The following FHIT variants were observed in gnomAD, a reference collection of about 807,000 sequenced individuals.
The protein encoded by FHIT is fragile histidine triad diadenosine triphosphatase.
FHIT carries 19 observed loss-of-function variants against 17.9 expected under a neutral mutation model. That is an observed-to-expected ratio of 1.06 (90% CI 0.74 to 1.56). FHIT has a LOEUF of 1.56. Among genes scored for constraint, FHIT ranks in the 40% most tolerant of loss-of-function variants. The pLI, the probability that FHIT is intolerant of heterozygous loss-of-function variation, is 0.00. For synonymous variants in FHIT, 81 were observed against 69.7 expected, an observed-to-expected ratio of 1.16 and a Z score of -0.81; for missense variants, 248 against 189.2, an observed-to-expected ratio of 1.31 and a Z score of -1.82.
chr3:60,214,228 T>C (rs905848745), intron 5 of FHIT, among the ~76,000 whole-genome samples: 2 of 152,132 alleles, frequency 1.3e-5, no homozygotes, highest in African/African-American at 2.4e-5. Context: ...AAGCAACAAA[T>C]TGTATTAGTC....
chr3:60,443,346 G>A (rs986401281), intron 5 of FHIT, among the ~76,000 whole-genome samples: 1 of 152,224 alleles, frequency 6.6e-6, no homozygotes, highest in East Asian at 1.9e-4. Context: ...TCTCTGTCTT[G>A]TGCCAGTTTT....
rs1401129617 is a variant in FHIT, at chr3:60,441,754, A to AT, written c.103+95105_103+95106insA. Among the ~76,000 whole-genome samples, 142 of 46,350 alleles carry AT rather than the reference A, an allele frequency of 3.1e-3. 2 individuals carry two copies. The highest frequency in any genetic ancestry group is 8.1e-3 in the African/African-American group (104 of 12,864). The allele number at this position is 46,350 out of a possible 152,430, so 30.4% of individuals were successfully genotyped here. ...TTTATATATATATATTTATATATATAAAAATATATATATATTTATATGTAT... is the reference window on the plus strand; with the variant it reads ...TTTATATATATATATTTATATATATATAAAATATATATATATTTATATGTAT... On this transcript the variant is annotated intron_variant, in intron 5 of 9. Coordinates refer to ENST00000492590, the MANE Select transcript of FHIT (RefSeq NM_002012.4).
At chr3:60,682,495 C>G (rs1222537912) in intron 4 of FHIT, among the ~76,000 whole-genome samples, 1 of 152,216 alleles carries the variant, frequency 6.6e-6, no homozygotes, top group African/African-American at 2.4e-5. Flanking sequence ...TACACCAACT[C>G]TTCATGTTCT....
chr3:60,447,343 A>G lies in FHIT; in HGVS notation c.103+89517T>C, dbSNP rs1346329836. Among the ~76,000 whole-genome samples, 8 of 152,276 alleles carry G rather than the reference A, an allele frequency of 5.3e-5. 1 individual carries two copies. The South Asian group carries it at 1.4e-3, about 28-fold the overall frequency. ...TAATATAATTACTTCCCCAAGAAAT[A>G]ATGTTTTTATTCTGAATATGAGGTT... On this transcript the variant is annotated intron_variant, in intron 5 of 9. Transcript: ENST00000492590.
intron 8 of FHIT, among the ~76,000 whole-genome samples, chr3:59,847,128 T>G (rs930367015): frequency 6.6e-6 from 1 of 152,162 alleles, no homozygotes; most frequent in Non-Finnish European, 1.5e-5. Flanking sequence ...TTCAACAAAT[T>G]TGGGAAGTTT....
intron 8 of FHIT, among the ~76,000 whole-genome samples, chr3:59,911,910 T>C (rs1418036071): frequency 5.3e-5 from 8 of 152,122 alleles, no homozygotes; most frequent in Admixed American, 1.3e-4. Flanking sequence ...ATTTTTTGGG[T>C]GCCGGGAGGC....
chr3:60,425,337 C>T (rs576706842), intron 5 of FHIT, among the ~76,000 whole-genome samples: 1 of 152,218 alleles, frequency 6.6e-6, no homozygotes, highest in African/African-American at 2.4e-5. Context: ...GGAGATAAAG[C>T]CAAGACCACT....
At chr3:60,474,508 T>A (rs1232915738) in intron 5 of FHIT, among the ~76,000 whole-genome samples, 1 of 152,232 alleles carries the variant, frequency 6.6e-6, no homozygotes, top group African/African-American at 2.4e-5. Context: ...TCATTTTTTA[T>A]TGCAGTTTTT....
intron 1 of FHIT, among the ~76,000 whole-genome samples, chr3:61,209,995 G>A (rs1196649908): frequency 6.6e-6 from 1 of 152,142 alleles, no homozygotes; most frequent in Non-Finnish European, 1.5e-5. Context: ...TTTTTGGTGT[G>A]GATGTCCTTT....
chr3:61,135,254 T>G (rs1222711769), intron 2 of FHIT, among the ~76,000 whole-genome samples: 1 of 152,206 alleles, frequency 6.6e-6, no homozygotes, highest in Non-Finnish European at 1.5e-5. Flanking sequence ...TTTCTTTCAA[T>G]GATTTTTGGC....
intron 4 of FHIT, among the ~76,000 whole-genome samples, chr3:60,575,710 C>T (rs1267911187): frequency 2.6e-5 from 4 of 152,114 alleles, no homozygotes; most frequent in African/African-American, 9.7e-5. Context: ...CAAGAACATA[C>T]TGCTCCTATA....
At chr3:60,348,715 T>C (rs1003184998) in intron 5 of FHIT, among the ~76,000 whole-genome samples, 1 of 152,238 alleles carries the variant, frequency 6.6e-6, no homozygotes, top group African/African-American at 2.4e-5. Context: ...CACCTTTGGA[T>C]GCTTGGCTTA....
At chr3:60,220,555 T>C (rs1328878397) in intron 5 of FHIT, among the ~76,000 whole-genome samples, 3 of 152,214 alleles carry the variant, frequency 2.0e-5, no homozygotes, top group South Asian at 2.1e-4. Flanking sequence ...TTATTTATTA[T>C]GGTATACAGT....
At position 60,953,501 on chromosome 3, in the gene FHIT, A is replaced by C. The variant is rs192684547; in HGVS notation, c.-111+88546T>G. Among the ~76,000 whole-genome samples the C allele has an allele frequency of 5.6e-4, 85 of 152,336 alleles. No individual in the cohort carries two copies. The East Asian group carries it at 0.016, about 29-fold the overall frequency. On this transcript the variant is annotated intron_variant, in intron 3 of 9. Coordinates refer to ENST00000492590, the MANE Select transcript of FHIT (RefSeq NM_002012.4). ...AATATCCTGAAGGGAGGGAAAAATC[A>C]CACATTAAATTCTGTCAAGTAACAT... is the stretch of plus-strand genomic sequence containing the variant.
At chr3:61,204,547 T>C (rs1466643516) in intron 1 of FHIT, among the ~76,000 whole-genome samples, 4 of 152,150 alleles carry the variant, frequency 2.6e-5, no homozygotes, top group Non-Finnish European at 5.9e-5. Flanking sequence ...GAAAACACGC[T>C]GAATAGAATA....
chr3:59,835,572 C>T (rs1274311157), intron 8 of FHIT, among the ~76,000 whole-genome samples: 2 of 152,122 alleles, frequency 1.3e-5, no homozygotes, highest in East Asian at 3.8e-4. Context: ...AGTTTTCACA[C>T]ATGAAAGACT....
chr3:61,043,097 C>A (rs1048527055), intron 2 of FHIT, among the ~76,000 whole-genome samples: 1 of 152,266 alleles, frequency 6.6e-6, no homozygotes, highest in Admixed American at 6.5e-5. Flanking sequence ...GTTCATCTCA[C>A]TGGGGCTTGT....
chr3:59,898,371 C>T (rs369161648), intron 8 of FHIT, among the ~76,000 whole-genome samples: 21 of 151,910 alleles, frequency 1.4e-4, no homozygotes, highest in African/African-American at 5.1e-4. Context: ...AGATAAGGGG[C>T]AGTCAATATG....
intron 5 of FHIT, among the ~76,000 whole-genome samples, chr3:60,088,038 C>G (rs1472263314): frequency 2.6e-5 from 4 of 152,174 alleles, no homozygotes; most frequent in Admixed American, 2.6e-4. Context: ...CTGAGGGCCC[C>G]TGGCTGCTTA....
Sources: allele counts gnomAD v4.1 joint callset (sites outside exome capture counted in the v4.1 genomes callset), GRCh38; gene constraint gnomAD v4.1.1; transcripts MANE v1.5; gene names NCBI Gene and HGNC (gene_info 2026-07-23, HGNC 2026-07-21).